The following MED13L variants were observed in gnomAD, a reference collection of about 807,000 sequenced individuals.
The protein encoded by MED13L is mediator complex subunit 13L, also known as mediator of RNA polymerase II transcription subunit 13-like.
A neutral mutation model predicts 220.9 loss-of-function variants in MED13L; 7 were observed. The ratio of observed to expected loss-of-function variants is 0.03; its 90% CI spans 0.02 to 0.06. The LOEUF is 0.06. Among genes scored for constraint, MED13L ranks in the 10% least tolerant of loss-of-function variants. MED13L has a pLI of 1.00. For missense variants in MED13L, 1,965 were observed against 2,760.5 expected, an observed-to-expected ratio of 0.71 and a Z score of 6.46; for synonymous variants, 1,011 against 1,015.2, an observed-to-expected ratio of 1.00 and a Z score of 0.08.
chr12:116,031,806 AAG>A (rs142542395), intron 4 of MED13L, among the ~76,000 whole-genome samples: 7 of 150,762 alleles, frequency 4.6e-5, no homozygotes, highest in South Asian at 2.1e-4. Flanking sequence ...GAAGGAAAGA[AAG>A]AGAGAAAGAA....
chr12:116,150,994 C>G (rs1181461801), intron 2 of MED13L, among the ~76,000 whole-genome samples: 1 of 152,110 alleles, frequency 6.6e-6, no homozygotes, highest in Non-Finnish European at 1.5e-5. Context: ...GTGGATGCCC[C>G]TACTACTGTT....
At chr12:116,152,392 T>G (rs1476368880) in intron 2 of MED13L, among the ~76,000 whole-genome samples, 1 of 152,216 alleles carries the variant, frequency 6.6e-6, no homozygotes, top group Non-Finnish European at 1.5e-5. Flanking sequence ...TTGCTTTGCT[T>G]GGACATACGT....
At chr12:116,046,711 C>T (rs530186324) in intron 4 of MED13L, among the ~76,000 whole-genome samples, 51 of 152,282 alleles carry the variant, frequency 3.3e-4, no homozygotes, top group African/African-American at 9.1e-4. Flanking sequence ...CGGTGGCTCA[C>T]GCCTGTAATC....
intron 16 of MED13L, among the ~76,000 whole-genome samples, chr12:115,995,913 T>C (rs1448986048): frequency 1.3e-5 from 2 of 152,182 alleles, no homozygotes; most frequent in African/African-American, 2.4e-5. Flanking sequence ...GTATTACTTT[T>C]ACATCATCAA....
At chr12:116,253,493 A>G (rs1871753790) in intron 1 of MED13L, among the ~76,000 whole-genome samples, 1 of 152,058 alleles carries the variant, frequency 6.6e-6, no homozygotes, top group African/African-American at 2.4e-5. Flanking sequence ...AACAGAGATG[A>G]TAAGAAATGT....
chr12:116,019,401 T>C lies in MED13L; in HGVS notation c.832A>G (p.Met278Val). 1.9e-6 allele frequency: 3 copies of C among 1,613,832 alleles called. No individual in the cohort carries two copies. Among genetic ancestry groups the C allele is most frequent in the Non-Finnish European group, 2.5e-6 (3 of 1,179,852 alleles). ...AAAACAAATGCTGAAGGGTAAACCA[T>C]CCGAACACCACCTATAAGCAAAGAG... ...AVEVIVGGVR[M>V]VYPSAFVLIS... Residue 278 changes from methionine to valine, a missense_variant, in exon 7 of 31, where the codon ATG (methionine) becomes GTG (valine). By Grantham distance (21) the Met-to-Val change is conservative. Around this residue, in one of 10 missense-constraint regions of MED13L, gnomAD observed 818 missense variants for 1,041.2 expected, o/e 0.79. Coordinates refer to ENST00000281928, the MANE Select transcript of MED13L (RefSeq NM_015335.5).
intron 2 of MED13L, among the ~76,000 whole-genome samples, chr12:116,163,382 T>A (rs909813591): frequency 1.7e-4 from 20 of 117,324 alleles, no homozygotes; most frequent in African/African-American, 6.3e-4. Flanking sequence ...TTTTTTTTTT[T>A]AAGACAGAGT....
intron 1 of MED13L, among the ~76,000 whole-genome samples, chr12:116,244,739 C>T (rs1688202470): frequency 6.6e-6 from 1 of 152,156 alleles, no homozygotes; most frequent in Admixed American, 6.5e-5. Flanking sequence ...ATCACTTGAA[C>T]TCAGAAGTTC....
At chr12:116,079,325 C>T (rs1197654238) in intron 4 of MED13L, among the ~76,000 whole-genome samples, 1 of 151,964 alleles carries the variant, frequency 6.6e-6, no homozygotes, top group East Asian at 1.9e-4. Flanking sequence ...ATCAAGCAGT[C>T]CTCCCACCTC....
At chr12:116,034,636 G>GTCTTCTCATATTACC (rs1310738231) in intron 4 of MED13L, among the ~76,000 whole-genome samples, 1 of 152,138 alleles carries the variant, frequency 6.6e-6, no homozygotes, top group Admixed American at 6.5e-5. Flanking sequence ...TTTCTCCATA[G>GTCTTCTCATATTACC]TCTTCTCATA....
In MED13L at chr12:116,129,919, A is replaced by G. The variant is rs78772841; in HGVS notation, c.311-18407T>C. ...GTGAGACTCAGTCTCAAAAAAAAAA[A>G]AAAGAAAGAAAGAAAGAAAGAAAGA... On this transcript the variant is annotated intron_variant, in intron 2 of 30. Coordinates refer to ENST00000281928, the MANE Select transcript of MED13L (RefSeq NM_015335.5). 3.4e-3 allele frequency among the ~76,000 whole-genome samples: 510 copies of G among 151,304 alleles called. 18 individuals are homozygous for G. The East Asian group carries it at 0.075, about 22-fold the overall frequency.
chr12:115,992,202 T>C (rs1878109785), intron 16 of MED13L, among the ~76,000 whole-genome samples: 1 of 152,230 alleles, frequency 6.6e-6, no homozygotes, highest in Non-Finnish European at 1.5e-5. Flanking sequence ...CTTCTACTTA[T>C]TCCACATATA....
At chr12:116,028,999 G>A (rs994517942) in intron 4 of MED13L, among the ~76,000 whole-genome samples, 2 of 151,964 alleles carry the variant, frequency 1.3e-5, no homozygotes, top group Admixed American at 6.6e-5. Context: ...GTAACCCAAC[G>A]CTGAAGCACC....
chr12:116,148,824 T>C (rs1877794814), intron 2 of MED13L, among the ~76,000 whole-genome samples: 1 of 152,158 alleles, frequency 6.6e-6, no homozygotes, highest in African/African-American at 2.4e-5. Context: ...CTTTGAAATC[T>C]TTCACTTGTC....
chr12:116,071,488 G>A (rs754312378), intron 4 of MED13L, among the ~76,000 whole-genome samples: 11 of 152,114 alleles, frequency 7.2e-5, no homozygotes, highest in African/African-American at 1.9e-4. Flanking sequence ...GTGCAATGGC[G>A]CAATCTCAGC....
At chr12:116,268,315 A>C (rs11067962) in intron 1 of MED13L, among the ~76,000 whole-genome samples, 13,941 of 152,214 alleles carry the variant, frequency 0.092, 735 homozygotes, top group East Asian at 0.22. Flanking sequence ...AGTTAGATAT[A>C]TGTATGTTTT....
chr12:116,103,559 T>C (rs925391101), intron 3 of MED13L, among the ~76,000 whole-genome samples: 5 of 152,234 alleles, frequency 3.3e-5, no homozygotes, highest in Non-Finnish European at 4.4e-5. Context: ...GTAGCTGGGC[T>C]TAGAGGCACA....
chr12:116,130,771 G>A (rs1876000842), intron 2 of MED13L, among the ~76,000 whole-genome samples: 1 of 152,110 alleles, frequency 6.6e-6, no homozygotes, highest in African/African-American at 2.4e-5. Context: ...GTAGCTGCAT[G>A]CAGTCCTCTA....
At chr12:116,092,937 G>A (rs1277425058) in intron 4 of MED13L, among the ~76,000 whole-genome samples, 1 of 152,142 alleles carries the variant, frequency 6.6e-6, no homozygotes, top group Non-Finnish European at 1.5e-5. Context: ...TACTATTTTT[G>A]TTAACTTAGC....
Sources: allele counts gnomAD v4.1 joint callset (sites outside exome capture counted in the v4.1 genomes callset), GRCh38; gene constraint gnomAD v4.1.1; regional missense constraint gnomAD v4.1.1; transcripts MANE v1.5; gene names NCBI Gene and HGNC (gene_info 2026-07-23, HGNC 2026-07-21).